Variants in ARID4B observed in about 807,000 individuals in gnomAD.
ARID4B encodes the protein AT-rich interaction domain 4B, also known as AT-rich interactive domain-containing protein 4B.
ARID4B carries 26 observed loss-of-function variants against 147.5 expected under a neutral mutation model. The ratio of observed to expected loss-of-function variants is 0.18; its 90% CI spans 0.13 to 0.24. The LOEUF (loss-of-function observed/expected upper bound fraction) is 0.24, where lower values mean the gene tolerates loss of function less well. Ranked by LOEUF, ARID4B falls within the 10% of genes least tolerant of loss-of-function variation. ARID4B has a pLI of 1.00. For synonymous variants in ARID4B, 512 were observed against 507.9 expected (o/e 1.01, Z -0.11); for missense variants, 1,179 against 1,511.5 (o/e 0.78, Z 3.65).
At chr1:235,299,357 G>C (rs778352419) in intron 2 of ARID4B, among the ~76,000 whole-genome samples, 1 of 152,122 alleles carries the variant, frequency 6.6e-6, no homozygotes, top group Non-Finnish European at 1.5e-5. Flanking sequence ...GGGATTACAG[G>C]AGCCCACCAC....
intron 14 of ARID4B, 100 bp downstream of exon 14, chr1:235,221,465 A>C (rs933279883): frequency 2.2e-5 from 14 of 642,656 alleles, no homozygotes; most frequent in Admixed American, 1.5e-4. Flanking sequence ...AAATGTTCTG[A>C]TTTCTTTAAA....
intron 2 of ARID4B, among the ~76,000 whole-genome samples, chr1:235,295,417 G>A (rs961989027): frequency 1.3e-5 from 2 of 151,848 alleles, no homozygotes; most frequent in African/African-American, 4.8e-5. Context: ...TGCTAAGGCA[G>A]GAGAATTGCT....
At chr1:235,176,228 G>A (rs938607052) in intron 21 of ARID4B, among the ~76,000 whole-genome samples, 2 of 151,828 alleles carry the variant, frequency 1.3e-5, no homozygotes, top group African/African-American at 4.8e-5. Context: ...TAAAATGGGA[G>A]AACACTATAT....
intron 5 of ARID4B, among the ~76,000 whole-genome samples, chr1:235,253,572 T>C (rs1278712100): frequency 6.6e-6 from 1 of 152,246 alleles, no homozygotes; most frequent in East Asian, 1.9e-4. Flanking sequence ...AATCATCATG[T>C]TACATATACA....
At chr1:235,307,432 T>C (rs182344866) in intron 2 of ARID4B, among the ~76,000 whole-genome samples, 1 of 151,824 alleles carries the variant, frequency 6.6e-6, no homozygotes, top group East Asian at 1.9e-4. Context: ...GTGACAGAGC[T>C]AGGCCCTGTC....
chr1:235,284,376 C>A (rs926942272), intron 2 of ARID4B, among the ~76,000 whole-genome samples: 9 of 152,150 alleles, frequency 5.9e-5, no homozygotes, highest in Non-Finnish European at 1.3e-4. Flanking sequence ...AAAAAAAATT[C>A]TTCAAGGCCT....
intron 2 of ARID4B, among the ~76,000 whole-genome samples, chr1:235,274,457 C>CAG (rs1373173575): frequency 6.6e-6 from 1 of 152,014 alleles, no homozygotes; most frequent in Non-Finnish European, 1.5e-5. Context: ...CTCTGCTATC[C>CAG]AGATGTACAA....
intron 23 of ARID4B, among the ~76,000 whole-genome samples, chr1:235,171,295 C>T (rs1044776272): frequency 2.0e-5 from 3 of 151,746 alleles, no homozygotes; most frequent in Admixed American, 6.6e-5. Flanking sequence ...ATTAGCTGGG[C>T]GTGGCAGCAC....
chr1:235,208,962 T>A (rs1666515343), intron 17 of ARID4B, among the ~76,000 whole-genome samples: 1 of 152,222 alleles, frequency 6.6e-6, no homozygotes, highest in Non-Finnish European at 1.5e-5. Context: ...GACAATAGTT[T>A]TAGATACTGT....
chr1:235,290,194 T>C (rs374729878), intron 2 of ARID4B, among the ~76,000 whole-genome samples: 3 of 151,990 alleles, frequency 2.0e-5, no homozygotes, highest in South Asian at 2.1e-4. Context: ...GAAACGATTA[T>C]AGAAATAAAA....
intron 8 of ARID4B, among the ~76,000 whole-genome samples, chr1:235,239,136 A>AT (rs1306575275): frequency 6.6e-6 from 1 of 151,756 alleles, no homozygotes; most frequent in Admixed American, 6.6e-5. Flanking sequence ...CAGCCAGCTA[A>AT]TTTTTTTGTA....
chr1:235,196,117 TA>T lies in ARID4B; in HGVS notation c.1842-3del. On this transcript the variant is annotated splice_polypyrimidine_tract_variant and splice_region_variant and intron_variant, in intron 17 of 23. Coordinates refer to ENST00000264183, the MANE Select transcript of ARID4B (RefSeq NM_016374.6). ...TCTGCTTTAATCCATTCATCGTATCTAAAATTAAAGGAAATTAATATAAATA... is the reference window on the plus strand; with the variant it reads ...TCTGCTTTAATCCATTCATCGTATCTAAATTAAAGGAAATTAATATAAATA... The T allele has an allele frequency of 6.7e-7, 1 of 1,499,392 alleles. No individual in the cohort carries two copies. The highest frequency in any genetic ancestry group is 9.1e-7 in the Non-Finnish European group (1 of 1,095,750). 92.9% of individuals were successfully genotyped at this position (1,499,392 alleles called of 1,614,324 possible). A position where few individuals can be genotyped will look rare whatever the true frequency, so the allele number is the denominator to read the frequency against.
chr1:235,259,842 T>A (rs1238581840), intron 3 of ARID4B, among the ~76,000 whole-genome samples: 1 of 152,206 alleles, frequency 6.6e-6, no homozygotes, highest in Non-Finnish European at 1.5e-5. Context: ...ACAGTCTATG[T>A]AATTGGTGAA....
At chr1:235,253,907 T>C (rs551751662) in intron 5 of ARID4B, among the ~76,000 whole-genome samples, 1 of 152,306 alleles carries the variant, frequency 6.6e-6, no homozygotes, top group African/African-American at 2.4e-5. Context: ...CTCACGTTTA[T>C]TGAGAAATGA....
intron 19 of ARID4B, 100 bp downstream of exon 19, chr1:235,193,913 G>C (rs1665297589): frequency 2.4e-6 from 2 of 850,028 alleles, no homozygotes; most frequent in East Asian, 5.0e-5. Flanking sequence ...AACTCTGGTA[G>C]AAAAAACAGT....
intron 2 of ARID4B, among the ~76,000 whole-genome samples, chr1:235,320,057 G>A (rs1674713020): frequency 6.6e-6 from 1 of 151,838 alleles, no homozygotes; most frequent in African/African-American, 2.4e-5. Context: ...AACCTGGGAG[G>A]CAGAGGTTGC....
Position 235,278,094 on chromosome 1 carries a change from G to A in ARID4B, c.7-17342C>T, listed in dbSNP as rs556374549. Among the ~76,000 whole-genome samples, 7 of 152,280 alleles carry A rather than the reference G, an allele frequency of 4.6e-5. No individual in the cohort carries two copies. The South Asian group carries it at 1.2e-3, about 27-fold the overall frequency. On this transcript the variant is annotated intron_variant, in intron 2 of 23. Transcript: ENST00000264183. ...AGGGCCATGCTACATACAGGGGTAT[G>A]TAACAGGCCTTCCAGGATACTCGGT...
intron 16 of ARID4B, among the ~76,000 whole-genome samples, chr1:235,215,579 G>GTA (rs1210330577): frequency 6.9e-5 from 10 of 144,700 alleles, no homozygotes; most frequent in African/African-American, 1.0e-4. Context: ...GTGTGTGTGT[G>GTA]TATATATTTT....
chr1:235,325,416 T>C (rs554929696), intron 2 of ARID4B, among the ~76,000 whole-genome samples: 2 of 151,982 alleles, frequency 1.3e-5, no homozygotes, highest in African/African-American at 4.8e-5. Context: ...AATCTCAGAC[T>C]TTCAACTTAA....
Sources: gnomAD v4.1 joint callset for allele counts (sites outside exome capture counted in the v4.1 genomes callset) on GRCh38, gnomAD v4.1.1 for gene constraint, MANE v1.5 for transcripts, NCBI Gene and HGNC (gene_info 2026-07-23, HGNC 2026-07-21) for gene names.